The following TLE1 variants were observed in gnomAD, a reference collection of about 807,000 sequenced individuals.
TLE1 encodes TLE family member 1, transcriptional corepressor, also known as transducin-like enhancer protein 1.
TLE1 carries 21 observed loss-of-function variants against 89.8 expected under a neutral mutation model. That is an observed-to-expected ratio of 0.23 (90% confidence interval 0.17 to 0.34). TLE1 has a LOEUF of 0.34. Ranked by LOEUF, TLE1 falls within the 10% of genes least tolerant of loss-of-function variation. The pLI is 1.00. For missense variants in TLE1, 795 were observed against 1,031.2 expected (o/e 0.77, Z 3.14); for synonymous variants, 447 against 407.6 (o/e 1.10, Z -1.16).
intron 14 of TLE1, among the ~76,000 whole-genome samples, chr9:81,596,288 C>T (rs778843233): frequency 5.3e-5 from 8 of 152,096 alleles, no homozygotes; most frequent in Non-Finnish European, 8.8e-5. Flanking sequence ...AACACTCATC[C>T]GTCCCACGGG....
At chr9:81,687,539 G>C (rs530620332) in intron 1 of TLE1, 105 bp from the exon 2 acceptor site, 7 of 827,716 alleles carry the variant, frequency 8.5e-6, no homozygotes, top group African/African-American at 3.4e-5. Flanking sequence ...CATAAAGTTA[G>C]AAGTGGCTGA....
rs1834638547 is a variant in TLE1 at position 81,688,306 on chromosome 9, A to G, written c.-66T>C. ...ATTCTCCGGTCAATTTCCAACTTTAATCCCGCCGAGGAAAATTAAGCCGGA... is the reference window on the plus strand; with the variant it reads ...ATTCTCCGGTCAATTTCCAACTTTAGTCCCGCCGAGGAAAATTAAGCCGGA... On this transcript the variant is annotated 5_prime_UTR_variant, in exon 1 of 20. Coordinates refer to ENST00000376499, the MANE Select transcript of TLE1 (RefSeq NM_005077.5). 14 of 1,459,406 alleles carry G rather than the reference A, an allele frequency of 9.6e-6. No homozygotes were observed. The highest frequency in any genetic ancestry group is 1.3e-5 in the Non-Finnish European group (14 of 1,103,164). The allele number at this position is 1,459,406 out of a possible 1,614,324, so 90.4% of individuals were successfully genotyped here.
At chr9:81,608,800 AGTG>A (rs1331207932) in intron 14 of TLE1, among the ~76,000 whole-genome samples, 1 of 151,932 alleles carries the variant, frequency 6.6e-6, no homozygotes, top group Non-Finnish European at 1.5e-5. Flanking sequence ...AGCCAGGCAT[AGTG>A]GCATGCACCC....
intron 1 of TLE1, among the ~76,000 whole-genome samples, 163 bp downstream of exon 1, chr9:81,688,054 C>T (rs1834583941): frequency 5.3e-5 from 8 of 151,958 alleles, no homozygotes; most frequent in Admixed American, 5.2e-4. Flanking sequence ...GAGTTTCGGC[C>T]CACTCCCCAC....
At chr9:81,624,583 G>A (rs1317240669) in intron 8 of TLE1, among the ~76,000 whole-genome samples, 2 of 152,182 alleles carry the variant, frequency 1.3e-5, no homozygotes, top group East Asian at 3.9e-4. Flanking sequence ...ATCAACATGA[G>A]AACCAGTGTT....
At chr9:81,685,089 T>C (rs974577697) in intron 4 of TLE1, among the ~76,000 whole-genome samples, 1 of 152,198 alleles carries the variant, frequency 6.6e-6, no homozygotes, top group South Asian at 2.1e-4. Context: ...ACTCCCAACA[T>C]ATGCTCTGGC....
intron 18 of TLE1, 24 bp from the exon 19 acceptor site, chr9:81,584,548 A>C (rs776122246): frequency 6.2e-7 from 1 of 1,608,630 alleles, no homozygotes; most frequent in Non-Finnish European, 8.5e-7. Context: ...AGGAATATCT[A>C]GTTTTCACAA....
intron 17 of TLE1, among the ~76,000 whole-genome samples, chr9:81,587,282 T>G (rs1265739130): frequency 6.6e-6 from 1 of 152,206 alleles, no homozygotes; most frequent in Admixed American, 6.5e-5. Context: ...TTAGTGACAT[T>G]CTGCAGATTT....
At chr9:81,665,817 T>C (rs1831393406) in intron 4 of TLE1, among the ~76,000 whole-genome samples, 1 of 151,924 alleles carries the variant, frequency 6.6e-6, no homozygotes, top group African/African-American at 2.4e-5. Context: ...TTTTGATTTA[T>C]TTGCAAATGA....
chr9:81,680,170 A>G (rs1833426869), intron 4 of TLE1, among the ~76,000 whole-genome samples: 1 of 152,298 alleles, frequency 6.6e-6, no homozygotes, highest in South Asian at 2.1e-4. Flanking sequence ...CCCTCATTAT[A>G]CAGAGAGGGG....
chr9:81,602,189 C>A (rs1831020664), intron 14 of TLE1, among the ~76,000 whole-genome samples: 1 of 152,118 alleles, frequency 6.6e-6, no homozygotes, highest in African/African-American at 2.4e-5. Flanking sequence ...GGGCTGGAGT[C>A]ATCAGGGAAC....
At chr9:81,658,341 A>G (rs554908205) in intron 4 of TLE1, among the ~76,000 whole-genome samples, 3 of 152,304 alleles carry the variant, frequency 2.0e-5, no homozygotes, top group African/African-American at 7.2e-5. Context: ...ATAAGCCTGA[A>G]ACAGGAGGAG....
At chr9:81,673,272 T>TAAAAAAAA (rs5898756) in intron 4 of TLE1, among the ~76,000 whole-genome samples, 2 of 97,998 alleles carry the variant, frequency 2.0e-5, no homozygotes, top group Admixed American at 1.3e-4. Context: ...AGACTTCATT[T>TAAAAAAAA]AAAAAAAAAA....
At chr9:81,618,035 A>G (rs1216656333) in intron 9 of TLE1, among the ~76,000 whole-genome samples, 1 of 151,794 alleles carries the variant, frequency 6.6e-6, no homozygotes, top group Non-Finnish European at 1.5e-5. Context: ...CAAAACAACA[A>G]CAACAACAAA....
intron 14 of TLE1, chr9:81,599,764 T>C (rs369138200): frequency 9.5e-5 from 24 of 251,340 alleles, no homozygotes; most frequent in East Asian, 7.8e-4. Context: ...CAGGGTATAA[T>C]TCCCACCTTA....
At position 81,665,623 on chromosome 9, in the gene TLE1, G is replaced by A. The variant is rs1001624536; in HGVS notation, c.235-11587C>T. On this transcript the variant is annotated intron_variant, in intron 4 of 19. Transcript: ENST00000376499. The stretch of plus-strand genomic sequence containing the variant: ...GCAGATTGCAGGGGCCTGCATCTCC[G>A]GAGAAAGCTCTCCTATCTTCGCAGC... Among the ~76,000 whole-genome samples, 10 of 152,260 alleles carry A rather than the reference G, an allele frequency of 6.6e-5. No homozygotes were observed. In the South Asian group the frequency reaches 8.3e-4, roughly 13 times the overall value.
chr9:81,649,992 A>C, intron 6 of TLE1, among the ~76,000 whole-genome samples: 1 of 152,308 alleles, frequency 6.6e-6, no homozygotes, highest in South Asian at 2.1e-4. Context: ...CAAAAATTAC[A>C]ATGATAAAAA....
At chr9:81,671,515 T>C (rs1167324720) in intron 4 of TLE1, among the ~76,000 whole-genome samples, 2 of 151,370 alleles carry the variant, frequency 1.3e-5, no homozygotes. Flanking sequence ...CGTGGTGGCA[T>C]GTGCCTGTAA....
intron 12 of TLE1, 96 bp from the exon 13 acceptor site, chr9:81,612,055 G>T: frequency 9.9e-7 from 1 of 1,007,130 alleles, no homozygotes; most frequent in South Asian, 3.6e-5. Flanking sequence ...GTCACTCATG[G>T]GGAGAGAGAA....
Sources: allele counts gnomAD v4.1 joint callset (sites outside exome capture counted in the v4.1 genomes callset), GRCh38; gene constraint gnomAD v4.1.1; transcripts MANE v1.5; gene names NCBI Gene and HGNC (gene_info 2026-07-23, HGNC 2026-07-21).